NINL: variants seen among roughly 807,000 people sequenced by gnomAD.
NINL encodes ninein-like protein.
A neutral mutation model predicts 160.3 loss-of-function variants in NINL; 153 were observed. The ratio of observed to expected loss-of-function variants is 0.95; its 90% CI spans 0.84 to 1.09. The LOEUF (loss-of-function observed/expected upper bound fraction) is 1.09, where lower values mean the gene tolerates loss of function less well. Ranked by LOEUF, NINL falls within the 50% of genes least tolerant of loss-of-function variation. The pLI is 0.00. For synonymous variants in NINL, 800 were observed against 734.8 expected (o/e 1.09, Z -1.43); for missense variants, 1,829 against 1,764.0 (o/e 1.04, Z -0.66).
Position 25,461,528 on chromosome 20 carries a change from T to C in NINL, c.3690A>G (p.Gln1230=). The stretch of plus-strand genomic sequence containing the variant: ...AGCCATCGCTCACACCCACCTGGTC[T>C]TGACTTTCCTCAAGGGTCTGGGTCA... ...SELTQTLEES[Q]DQVQGAHLRL... is the part of the protein sequence containing the mutation. Residue 1230 remains glutamine (Q), a synonymous_variant, in exon 21 of 24, where the codon CAA becomes CAG. Coordinates refer to ENST00000278886, the MANE Select transcript of NINL (RefSeq NM_025176.6). 6.4e-7 allele frequency: 1 copy of C among 1,563,976 alleles called. No homozygotes were observed. Among genetic ancestry groups the C allele is most frequent in the South Asian group, 1.2e-5 (1 of 82,116 alleles).
intron 4 of NINL, 121 bp from the exon 5 acceptor site, chr20:25,510,861 C>A: frequency 1.3e-6 from 1 of 758,448 alleles, no homozygotes; most frequent in Non-Finnish European, 2.2e-6. Flanking sequence ...TGGAGTCAAT[C>A]CCTCAGAGGA....
chr20:25,565,076 G>A (rs952141557), intron 1 of NINL, among the ~76,000 whole-genome samples: 7 of 152,100 alleles, frequency 4.6e-5, no homozygotes, highest in African/African-American at 7.2e-5. Context: ...CATAAGTTTT[G>A]TTACATCTCC....
intron 8 of NINL, among the ~76,000 whole-genome samples, chr20:25,500,622 T>C (rs1374462325): frequency 6.6e-6 from 1 of 152,244 alleles, no homozygotes; most frequent in Non-Finnish European, 1.5e-5. Context: ...ACTAACTTTG[T>C]GTTTTATTTC....
intron 19 of NINL, among the ~76,000 whole-genome samples, chr20:25,464,350 G>A (rs2062859945): frequency 6.6e-6 from 1 of 152,222 alleles, no homozygotes; most frequent in Admixed American, 6.5e-5. Flanking sequence ...CCGGGAGGCA[G>A]AGGTTGCAGT....
intron 2 of NINL, among the ~76,000 whole-genome samples, chr20:25,525,225 A>G (rs2064336125): frequency 6.6e-6 from 1 of 152,200 alleles, no homozygotes; most frequent in Non-Finnish European, 1.5e-5. Context: ...GGCTTCTTTG[A>G]GGAACTAACA....
chr20:25,567,482 A>C (rs545415246), intron 1 of NINL, among the ~76,000 whole-genome samples: 1 of 152,188 alleles, frequency 6.6e-6, no homozygotes, highest in African/African-American at 2.4e-5. Context: ...AACCAAAAGA[A>C]AGACCTAGAC....
In NINL at chr20:25,512,994, G is replaced by A. The variant is rs750740691; in HGVS notation, c.290C>T (p.Ala97Val). The change falls in exon 4 of 24, where the codon GCC becomes GTC. Residue 97 changes from alanine to valine, a missense_variant. Transcript: ENST00000278886. ...SSSLESAASSAIPPKYVNGSK... is the reference protein window; with the variant it reads ...SSSLESAASSVIPPKYVNGSK... ...ACCATTCACATACTTTGGAGGGATG[G>A]CACTGGAGGCAGCTGGAAAGGAAAC... is the stretch of plus-strand genomic sequence containing the variant. 8 of 1,596,678 alleles carry A rather than the reference G, an allele frequency of 5.0e-6. No homozygotes were observed.
intron 1 of NINL, among the ~76,000 whole-genome samples, chr20:25,535,248 G>A (rs1396428073): frequency 1.3e-5 from 2 of 152,332 alleles, no homozygotes; most frequent in African/African-American, 4.8e-5. Flanking sequence ...GAACAGAAGT[G>A]GCCAGGGGCT....
At chr20:25,572,133 A>G (rs967872218) in intron 1 of NINL, among the ~76,000 whole-genome samples, 18 of 152,098 alleles carry the variant, frequency 1.2e-4, no homozygotes, top group Non-Finnish European at 2.4e-4. Context: ...TCACCACAGC[A>G]TCTTAGTAAT....
rs767619759 is a variant in NINL at position 25,491,424 on chromosome 20, G to T, written c.1412C>A (p.Ala471Glu). The stretch of plus-strand genomic sequence containing the variant: ...CAGGCGCCCCACGTCCCACTCCAGC[G>T]CGGCCCTCTGCCTGTGGGCCTGCTC... ...FWEQAHRQRA[A>E]LEWDVGRLQA... Residue 471 changes from alanine (A) to glutamate (E), a missense_variant, in exon 11 of 24, where the codon GCG becomes GAG. Ala to Glu is a moderately radical substitution (Grantham distance 107, BLOSUM62 -1). Coordinates refer to ENST00000278886, the MANE Select transcript of NINL (RefSeq NM_025176.6). 26 of 1,613,548 alleles carry T rather than the reference G, an allele frequency of 1.6e-5. No homozygotes were observed. Among genetic ancestry groups the T allele is most frequent in the Non-Finnish European group, 2.2e-5 (26 of 1,180,008 alleles).
intron 21 of NINL, 122 bp downstream of exon 21, chr20:25,461,400 T>C: frequency 1.6e-6 from 1 of 642,930 alleles, no homozygotes; most frequent in Non-Finnish European, 2.7e-6. Flanking sequence ...CCTGGACAGC[T>C]GTGCCCAGCA....
At chr20:25,489,677 G>A (rs2063579881) in intron 12 of NINL, among the ~76,000 whole-genome samples, 198 bp downstream of exon 12, 1 of 152,256 alleles carries the variant, frequency 6.6e-6, no homozygotes, top group African/African-American at 2.4e-5. Context: ...CAGTTGTGCT[G>A]TGTGGGCAGA....
intron 19 of NINL, among the ~76,000 whole-genome samples, chr20:25,465,448 C>T (rs946720437): frequency 1.3e-5 from 2 of 152,260 alleles, no homozygotes; most frequent in African/African-American, 4.8e-5. Flanking sequence ...GTGTGACTTC[C>T]GAGGAGGGCT....
intron 5 of NINL, among the ~76,000 whole-genome samples, chr20:25,507,533 T>G (rs1306201045): frequency 6.6e-6 from 1 of 152,188 alleles, no homozygotes; most frequent in South Asian, 2.1e-4. Flanking sequence ...CCTCTATGCC[T>G]CATCCACACC....
chr20:25,502,174 G>A (rs1440544473), intron 7 of NINL, among the ~76,000 whole-genome samples: 1 of 152,080 alleles, frequency 6.6e-6, no homozygotes, highest in East Asian at 1.9e-4. Flanking sequence ...TAGAGACAGG[G>A]TTTTACCATG....
In NINL at chr20:25,480,240, G is replaced by A; in HGVS notation, c.1838C>T (p.Pro613Leu). The part of the protein sequence containing the change: ...AGISFLGNSA[P>L]VSIETELMME... ...CATCAGCTCCGTTTCTATACTCACT[G>A]GAGCAGAATTACCCAGGAATGAAAT... The change falls in exon 15 of 24, where the codon CCA (proline) becomes CTA (leucine). Residue 613 changes from proline to leucine, a missense_variant. Coordinates refer to ENST00000278886, the MANE Select transcript of NINL (RefSeq NM_025176.6). The A allele has an allele frequency of 1.9e-6, 3 of 1,613,956 alleles. No individual in the cohort carries two copies. Among genetic ancestry groups the A allele is most frequent in the Non-Finnish European group, 2.5e-6 (3 of 1,179,984 alleles).
rs757103693 is a variant in NINL at position 25,476,868 on chromosome 20, T to C, written c.2423A>G (p.Glu808Gly). The change falls in exon 17 of 24, where the codon GAG becomes GGG. Residue 808 changes from glutamate to glycine, a missense_variant. Physicochemically the swap from Glu to Gly is moderately conservative, Grantham distance 98. Transcript: ENST00000278886. ...TCGCTTCCCGCGGGCAAGCTCCAACTCCTCCTCCTCGAGGGCCAACGATAC... is the reference window on the plus strand; with the variant it reads ...TCGCTTCCCGCGGGCAAGCTCCAACCCCTCCTCCTCGAGGGCCAACGATAC... ...MCVSLALEEEELELARGKRVD... is the reference protein window; with the variant it reads ...MCVSLALEEEGLELARGKRVD... 2 of 1,612,846 alleles carry C rather than the reference T, an allele frequency of 1.2e-6. No homozygotes were observed. Among genetic ancestry groups the C allele is most frequent in the South Asian group, 2.2e-5 (2 of 91,046 alleles).
intron 1 of NINL, among the ~76,000 whole-genome samples, chr20:25,550,803 A>C (rs773433176): frequency 6.6e-5 from 10 of 152,230 alleles, no homozygotes; most frequent in Non-Finnish European, 1.5e-4. Context: ...CAGGTTTTAC[A>C]CTGAGACATT....
intron 22 of NINL, 32 bp downstream of exon 22, chr20:25,458,351 C>T (rs200360683): frequency 3.2e-5 from 51 of 1,602,986 alleles, no homozygotes; most frequent in Middle Eastern, 2.3e-4. Flanking sequence ...CTCCTCATCT[C>T]GTCAGCCATC....
Sources: allele counts gnomAD v4.1 joint callset (sites outside exome capture counted in the v4.1 genomes callset), GRCh38; gene constraint gnomAD v4.1.1; transcripts MANE v1.5; gene names NCBI Gene and HGNC (gene_info 2026-07-23, HGNC 2026-07-21).